Variants in KIRREL1 observed in about 807,000 individuals in gnomAD.
KIRREL1 encodes the protein kirre like nephrin family adhesion molecule 1, also known as kin of IRRE-like protein 1.
In KIRREL1, 25 loss-of-function variants were observed where a neutral mutation model predicts 83.3. That is an observed-to-expected ratio of 0.30 (90% CI 0.22 to 0.42). KIRREL1 has a LOEUF of 0.42. Ranked by LOEUF, KIRREL1 falls within the 10% of genes least tolerant of loss-of-function variation. The pLI is 1.00. For synonymous variants in KIRREL1, 388 were observed against 410.4 expected (o/e 0.95, Z 0.66); for missense variants, 812 against 1,032.3 (o/e 0.79, Z 2.92).
At chr1:158,000,657 T>TC (rs2101620560) in intron 1 of KIRREL1, among the ~76,000 whole-genome samples, 1 of 152,314 alleles carries the variant, frequency 6.6e-6, no homozygotes, top group South Asian at 2.1e-4. Context: ...TCTCCCTCTA[T>TC]CAGCTGACTC....
chr1:158,027,320 C>T (rs1360046281), intron 1 of KIRREL1, among the ~76,000 whole-genome samples: 5 of 152,156 alleles, frequency 3.3e-5, no homozygotes, highest in South Asian at 4.1e-4. Flanking sequence ...CTTCTCTGGG[C>T]GTGCTACCCT....
chr1:158,020,676 C>G (rs1275476611), intron 1 of KIRREL1, among the ~76,000 whole-genome samples: 1 of 146,478 alleles, frequency 6.8e-6, no homozygotes, highest in Non-Finnish European at 1.5e-5. Flanking sequence ...CTTGGTAGAT[C>G]CCTATAATTA....
chr1:158,012,393 C>T (rs192999663), intron 1 of KIRREL1, among the ~76,000 whole-genome samples: 80 of 152,306 alleles, frequency 5.3e-4, no homozygotes, highest in Non-Finnish European at 7.5e-4. Context: ...AGTCACTTCA[C>T]CTCTTTGTAG....
At position 158,079,154 on chromosome 1, in the gene KIRREL1, T is replaced by C. The variant is rs114961833; in HGVS notation, c.352+1014T>C. 5.5e-3 allele frequency among the ~76,000 whole-genome samples: 843 copies of C among 152,344 alleles called. 9 individuals carry two copies. The highest frequency in any genetic ancestry group is 0.019 in the African/African-American group (786 of 41,580). On this transcript the variant is annotated intron_variant, in intron 3 of 14. Transcript: ENST00000359209. Reference sequence around the variant, plus strand: ...ATTTACATTGACTCTGTCCCTTTTTTTTCTGCCTCCATTTGATATGTTTTG... The same window carrying C: ...ATTTACATTGACTCTGTCCCTTTTTCTTCTGCCTCCATTTGATATGTTTTG...
intron 1 of KIRREL1, among the ~76,000 whole-genome samples, chr1:158,052,950 C>T (rs569495496): frequency 1.3e-5 from 2 of 152,128 alleles, no homozygotes; most frequent in African/African-American, 4.8e-5. Flanking sequence ...GGAGGAGGTG[C>T]CAGCTCCTTT....
intron 1 of KIRREL1, among the ~76,000 whole-genome samples, chr1:158,007,891 T>C (rs1006221635): frequency 2.0e-5 from 3 of 151,978 alleles, no homozygotes; most frequent in Non-Finnish European, 4.4e-5. Context: ...GGTCTGTCAC[T>C]CTGCAGGAGT....
rs1162469544 is a variant in KIRREL1, at chr1:158,098,689, C to T, written c.*3569C>T. On this transcript the variant is annotated 3_prime_UTR_variant, in exon 15 of 15. Coordinates refer to ENST00000359209, the MANE Select transcript of KIRREL1 (RefSeq NM_018240.7). ...CACAGAGTTTGCATGAAGCAAAAAG[C>T]CTAGTAAGTGAGAAAGGAAAGGGGC... The T allele has an allele frequency of 6.6e-6, 1 of 152,172 alleles. No individual in the cohort carries two copies. The highest frequency in any genetic ancestry group is 1.5e-5 in the Non-Finnish European group (1 of 68,066). The allele number at this position is 152,172 out of a possible 1,614,324, so 9.4% of individuals were successfully genotyped here.
chr1:158,066,164 G>A (rs754402584), intron 1 of KIRREL1, among the ~76,000 whole-genome samples: 2 of 152,032 alleles, frequency 1.3e-5, no homozygotes, highest in Non-Finnish European at 2.9e-5. Flanking sequence ...CAAAGCCACC[G>A]GGAATTTGGA....
At chr1:158,032,659 G>C (rs900079110) in intron 1 of KIRREL1, among the ~76,000 whole-genome samples, 4 of 152,168 alleles carry the variant, frequency 2.6e-5, no homozygotes, top group Non-Finnish European at 5.9e-5. Context: ...TTTAACTCCA[G>C]GTGTGTCCCA....
At chr1:158,078,529 A>G (rs1056349935) in intron 3 of KIRREL1, among the ~76,000 whole-genome samples, 2 of 151,732 alleles carry the variant, frequency 1.3e-5, no homozygotes, top group Middle Eastern at 3.2e-3. Flanking sequence ...TCTCCCTTCC[A>G]CTTTCCTCTC....
chr1:158,054,337 G>A (rs1660992290), intron 1 of KIRREL1, among the ~76,000 whole-genome samples: 1 of 151,796 alleles, frequency 6.6e-6, no homozygotes, highest in East Asian at 1.9e-4. Context: ...CTCTTTCATA[G>A]AAGTTATATA....
At chr1:158,035,834 A>G (rs1660461908) in intron 1 of KIRREL1, among the ~76,000 whole-genome samples, 1 of 152,228 alleles carries the variant, frequency 6.6e-6, no homozygotes, top group South Asian at 2.1e-4. Flanking sequence ...TCTATGTCCT[A>G]GTAGCAGTAG....
chr1:157,996,182 C>A (rs771226618), intron 1 of KIRREL1, among the ~76,000 whole-genome samples: 1 of 151,988 alleles, frequency 6.6e-6, no homozygotes, highest in African/African-American at 2.4e-5. Flanking sequence ...AAATAAAAAT[C>A]GCATTTTAAA....
At position 158,078,158 on chromosome 1, in the gene KIRREL1, C is replaced by T. The variant is rs1242606445; in HGVS notation, c.352+18C>T. 1 of 1,608,802 alleles carries T rather than the reference C, an allele frequency of 6.2e-7. No individual in the cohort carries two copies. The highest frequency in any genetic ancestry group is 8.5e-7 in the Non-Finnish European group (1 of 1,176,152). On this transcript the variant is annotated intron_variant, in intron 3 of 14. Coordinates refer to ENST00000359209, the MANE Select transcript of KIRREL1 (RefSeq NM_018240.7). ...CGTGCTCAGTAAGGACCCCAATACC[C>T]TTCAGTACTTCGAGGCCCTGTCTCT...
chr1:158,095,194 G>GA lies in KIRREL1; in HGVS notation c.*74_*75insA. On this transcript the variant is annotated 3_prime_UTR_variant, in exon 15 of 15. Coordinates refer to ENST00000359209, the MANE Select transcript of KIRREL1 (RefSeq NM_018240.7). ...TCACAGCTGTTCCCTGATATTCAGG[G>GA]GCATTGCTCATTGCTCCCTTCTCGG... is the stretch of plus-strand genomic sequence containing the variant. 4.5e-6 allele frequency: 5 copies of GA among 1,101,706 alleles called. No individual in the cohort carries two copies. The highest frequency in any genetic ancestry group is 6.5e-6 in the Non-Finnish European group (5 of 774,574). 68.2% of individuals were successfully genotyped at this position (1,101,706 alleles called of 1,614,324 possible). A position where few individuals can be genotyped will look rare whatever the true frequency, so the allele number is the denominator to read the frequency against.
chr1:158,032,560 G>A (rs2101673488), intron 1 of KIRREL1, among the ~76,000 whole-genome samples: 1 of 152,342 alleles, frequency 6.6e-6, no homozygotes, highest in South Asian at 2.1e-4. Context: ...CTTGGGAACA[G>A]GATGCAGAGG....
At chr1:158,069,773 C>T (rs886839073) in intron 1 of KIRREL1, among the ~76,000 whole-genome samples, 3 of 152,164 alleles carry the variant, frequency 2.0e-5, no homozygotes, top group Admixed American at 1.3e-4. Flanking sequence ...TGTGACTAGA[C>T]GGAAGTTTCT....
intron 1 of KIRREL1, among the ~76,000 whole-genome samples, chr1:158,043,179 G>A (rs1334443959): frequency 1.3e-5 from 2 of 152,118 alleles, no homozygotes; most frequent in East Asian, 3.9e-4. Context: ...TGGAGAGAGG[G>A]AGAAGCTGCT....
Position 158,094,653 on chromosome 1 carries a change from A to G in KIRREL1, c.1807A>G (p.Asn603Asp), listed in dbSNP as rs2101649383. ...CTCTCATTGCCCCCAGGACCCCACC[A>G]ATGGCTACTACAACGTGCGTGCCCA... ...REEYEMKDPTNGYYNVRAHED... is the reference protein window; with the variant it reads ...REEYEMKDPTDGYYNVRAHED... The change falls in exon 15 of 15, where the codon AAT (asparagine) becomes GAT (aspartate). Residue 603 changes from asparagine to aspartate, a missense_variant. Physicochemically the swap from Asn to Asp is conservative, Grantham distance 23 (BLOSUM62 1). Coordinates refer to ENST00000359209, the MANE Select transcript of KIRREL1 (RefSeq NM_018240.7). The surrounding 1 kb of genome is among the most constrained non-coding windows in gnomAD (Gnocchi z 4.6). 6.3e-7 allele frequency: 1 copy of G among 1,595,954 alleles called. No homozygotes were observed. Among genetic ancestry groups the G allele is most frequent in the Non-Finnish European group, 8.5e-7 (1 of 1,172,656 alleles).
Sources: gnomAD v4.1 joint callset for allele counts (sites outside exome capture counted in the v4.1 genomes callset) on GRCh38, gnomAD v4.1.1 for gene constraint, Gnocchi (gnomAD v3.1) non-coding constraint, MANE v1.5 for transcripts, NCBI Gene and HGNC (gene_info 2026-07-23, HGNC 2026-07-21) for gene names.